The following HEPHL1 variants were observed in gnomAD, a reference collection of about 807,000 sequenced individuals.
HEPHL1 encodes hephaestin like 1, also known as ferroxidase HEPHL1.
Under a neutral mutation model 122.0 loss-of-function variants are expected in HEPHL1, and 123 were observed. That is an observed-to-expected ratio of 1.01 (90% CI 0.87 to 1.17). HEPHL1 has a LOEUF of 1.17. Ranked by LOEUF, HEPHL1 falls within the 50% of genes most tolerant of loss-of-function variation. The pLI is 0.00. For missense variants in HEPHL1, 1,452 were observed against 1,430.5 expected (o/e 1.01, Z -0.24); for synonymous variants, 527 against 508.9 (o/e 1.04, Z -0.48).
intron 13 of HEPHL1, among the ~76,000 whole-genome samples, chr11:94,097,616 G>T (rs997462623): frequency 6.6e-6 from 1 of 152,102 alleles, no homozygotes; most frequent in Non-Finnish European, 1.5e-5. Flanking sequence ...TGACAGTGGG[G>T]TGTTAAAGTC....
At chr11:94,051,717 C>T (rs1232344241) in intron 2 of HEPHL1, among the ~76,000 whole-genome samples, 2 of 152,116 alleles carry the variant, frequency 1.3e-5, no homozygotes, top group African/African-American at 4.8e-5. Context: ...TTTGCCCAGA[C>T]TAATGTCCTG....
At chr11:94,031,757 C>A (rs1296008965) in intron 1 of HEPHL1, among the ~76,000 whole-genome samples, 1 of 152,180 alleles carries the variant, frequency 6.6e-6, no homozygotes, top group Non-Finnish European at 1.5e-5. Context: ...CCTTCTTGTC[C>A]CAGGACCTCC....
chr11:94,089,167 C>A (rs1050015117), intron 12 of HEPHL1, among the ~76,000 whole-genome samples, 199 bp downstream of exon 12: 1 of 152,174 alleles, frequency 6.6e-6, no homozygotes, highest in Non-Finnish European at 1.5e-5. Flanking sequence ...CGCAGGCCCT[C>A]GGCGGGCTCT....
intron 1 of HEPHL1, among the ~76,000 whole-genome samples, chr11:94,024,264 C>T (rs536709113): frequency 3.9e-5 from 6 of 152,324 alleles, no homozygotes; most frequent in African/African-American, 9.6e-5. Flanking sequence ...CTCTGCCCAA[C>T]TTGCTGTGTA....
chr11:94,097,342 A>G (rs1946325471), intron 13 of HEPHL1, among the ~76,000 whole-genome samples: 2 of 152,172 alleles, frequency 1.3e-5, no homozygotes, highest in Admixed American at 1.3e-4. Context: ...TGAGTTCCTT[A>G]ATCCTGAGTT....
chr11:94,067,972 A>C (rs941996018), intron 5 of HEPHL1, among the ~76,000 whole-genome samples: 12 of 152,212 alleles, frequency 7.9e-5, no homozygotes, highest in African/African-American at 2.9e-4. Context: ...AGTGATTAAA[A>C]ATTGATGAGA....
chr11:94,099,828 TC>T (rs1279611668), intron 13 of HEPHL1, among the ~76,000 whole-genome samples: 1 of 152,140 alleles, frequency 6.6e-6, no homozygotes, highest in African/African-American at 2.4e-5. Flanking sequence ...CCGGCTATAA[TC>T]TCCTGGTGTG....
intron 9 of HEPHL1, among the ~76,000 whole-genome samples, chr11:94,079,381 A>T (rs1201108006): frequency 6.6e-6 from 1 of 152,168 alleles, no homozygotes; most frequent in Non-Finnish European, 1.5e-5. Context: ...AATTTTTAAT[A>T]TTTTATTCTG....
rs1946451510 is a variant in HEPHL1 at position 94,111,699 on chromosome 11, T to C, written c.3285T>C (p.Pro1095=). 2 of 1,612,196 alleles carry C rather than the reference T, an allele frequency of 1.2e-6. No individual in the cohort carries two copies. Among genetic ancestry groups the C allele is most frequent in the Non-Finnish European group, 1.7e-6 (2 of 1,178,848 alleles). The part of the protein sequence containing the change: ...HPATVPSNER[P]GKEQLYFFGK... ...AGTTTATCTTTTTCACAGAACGACCTGGCAAAGAGCAGCTCTATTTCTTTG... is the reference window on the plus strand; with the variant it reads ...AGTTTATCTTTTTCACAGAACGACCCGGCAAAGAGCAGCTCTATTTCTTTG... The change falls in exon 20 of 20, where the codon CCT becomes CCC. Residue 1095 remains proline (P), a synonymous_variant. Transcript: ENST00000315765.
chr11:94,073,073 A>G lies in HEPHL1; in HGVS notation c.1281A>G (p.Lys427=). ...FTQGDNRIGG[K]YWKVRYTEFV... Reference sequence around the variant, plus strand: ...AAGGGGACAACAGAATAGGAGGAAAATACTGGAAGGTTCGGTATACTGAAT... The same window carrying G: ...AAGGGGACAACAGAATAGGAGGAAAGTACTGGAAGGTTCGGTATACTGAAT... Residue 427 remains lysine (K), a synonymous_variant, in exon 7 of 20, where the codon AAA becomes AAG. Transcript: ENST00000315765. The G allele has an allele frequency of 6.2e-7, 1 of 1,613,074 alleles. No homozygotes were observed. Among genetic ancestry groups the G allele is most frequent in the South Asian group, 1.1e-5 (1 of 91,040 alleles).
At chr11:94,093,973 T>TAGATAG (rs200458161) in intron 13 of HEPHL1, among the ~76,000 whole-genome samples, 827 of 47,756 alleles carry the variant, frequency 0.017, 31 homozygotes, top group Middle Eastern at 0.055. Flanking sequence ...CTCCAGCAGA[T>TAGATAG]ATATATATAT....
intron 9 of HEPHL1, among the ~76,000 whole-genome samples, chr11:94,081,070 T>C (rs1946166923): frequency 6.6e-6 from 1 of 152,182 alleles, no homozygotes; most frequent in Admixed American, 6.5e-5. Context: ...ACAGGCTGGA[T>C]AAACAAATTG....
At chr11:94,098,177 T>C (rs1946335143) in intron 13 of HEPHL1, among the ~76,000 whole-genome samples, 1 of 152,242 alleles carries the variant, frequency 6.6e-6, no homozygotes, top group Non-Finnish European at 1.5e-5. Flanking sequence ...CCATGTTTAG[T>C]GCTTCCTTCA....
intron 13 of HEPHL1, among the ~76,000 whole-genome samples, chr11:94,096,151 T>A (rs532988110): frequency 1.1e-4 from 16 of 152,348 alleles, no homozygotes; most frequent in Non-Finnish European, 4.4e-5. Context: ...ATATTGGCTG[T>A]CGGTTTGTCA....
chr11:94,106,147 T>C lies in HEPHL1; in HGVS notation c.3045+17T>C. 1.3e-6 allele frequency: 2 copies of C among 1,521,816 alleles called. No individual in the cohort carries two copies. Among genetic ancestry groups the C allele is most frequent in the Non-Finnish European group, 1.8e-6 (2 of 1,126,598 alleles). 94.3% of individuals were successfully genotyped at this position (1,521,816 alleles called of 1,614,324 possible). A position where few individuals can be genotyped will look rare whatever the true frequency, so the allele number is the denominator to read the frequency against. On this transcript the variant is annotated intron_variant, in intron 17 of 19. Transcript: ENST00000315765. ...CTTTTCAAAGTAAGTATAAGGAAAGTGCTTTGGGAAAGACGTTTTTGAACT... is the reference window on the plus strand; with the variant it reads ...CTTTTCAAAGTAAGTATAAGGAAAGCGCTTTGGGAAAGACGTTTTTGAACT...
At chr11:94,027,880 A>G (rs949582895) in intron 1 of HEPHL1, among the ~76,000 whole-genome samples, 1 of 152,190 alleles carries the variant, frequency 6.6e-6, no homozygotes, top group African/African-American at 2.4e-5. Flanking sequence ...AAAATTATTA[A>G]TCTAATAGGG....
At chr11:94,029,918 G>A (rs1459503335) in intron 1 of HEPHL1, among the ~76,000 whole-genome samples, 1 of 152,184 alleles carries the variant, frequency 6.6e-6, no homozygotes, top group African/African-American at 2.4e-5. Context: ...ATGGAGAAAG[G>A]TCTTGGGCAG....
intron 17 of HEPHL1, among the ~76,000 whole-genome samples, chr11:94,109,259 A>T (rs1439358336): frequency 6.6e-6 from 1 of 152,128 alleles, no homozygotes; most frequent in African/African-American, 2.4e-5. Flanking sequence ...GTTTTCCTAT[A>T]GATTTTAGGG....
intron 6 of HEPHL1, among the ~76,000 whole-genome samples, chr11:94,072,576 A>T (rs535900749): frequency 2.4e-4 from 37 of 152,240 alleles, no homozygotes; most frequent in African/African-American, 8.4e-4. Flanking sequence ...TCCAATAATT[A>T]CACTATTTGA....
Sources: gnomAD v4.1 joint callset for allele counts (sites outside exome capture counted in the v4.1 genomes callset) on GRCh38, gnomAD v4.1.1 for gene constraint, MANE v1.5 for transcripts, NCBI Gene and HGNC (gene_info 2026-07-23, HGNC 2026-07-21) for gene names.